CNIH3: variants seen among roughly 807,000 people sequenced by gnomAD.
CNIH3 encodes protein cornichon homolog 3.
CNIH3 carries 14 observed loss-of-function variants against 24.1 expected under a neutral mutation model. The ratio of observed to expected loss-of-function variants is 0.58; its 90% CI spans 0.38 to 0.91. CNIH3 has a LOEUF of 0.91. Ranked by LOEUF, CNIH3 falls within the 40% of genes least tolerant of loss-of-function variation. CNIH3 has a pLI of 0.00. For missense variants in CNIH3, 178 were observed against 196.8 expected (o/e 0.90, Z 0.57); for synonymous variants, 68 against 73.8 (o/e 0.92, Z 0.40).
chr1:224,678,963 A>G (rs931030002), intron 1 of CNIH3, among the ~76,000 whole-genome samples: 4 of 152,112 alleles, frequency 2.6e-5, no homozygotes, highest in Non-Finnish European at 4.4e-5. Context: ...TACAGCCTGT[A>G]ACTACTACTC....
intron 1 of CNIH3, among the ~76,000 whole-genome samples, chr1:224,634,168 G>A (rs889501233): frequency 3.3e-5 from 5 of 152,232 alleles, no homozygotes; most frequent in African/African-American, 9.6e-5. Flanking sequence ...GCATGCTTCC[G>A]TGGCACGTGT....
intron 1 of CNIH3, among the ~76,000 whole-genome samples, chr1:224,634,175 G>A (rs1397128553): frequency 6.6e-6 from 1 of 152,240 alleles, no homozygotes; most frequent in East Asian, 1.9e-4. Flanking sequence ...TCCGTGGCAC[G>A]TGTTCGTCCT....
At chr1:224,700,115 C>G (rs1687401723) in intron 3 of CNIH3, among the ~76,000 whole-genome samples, 1 of 152,260 alleles carries the variant, frequency 6.6e-6, no homozygotes, top group Non-Finnish European at 1.5e-5. Flanking sequence ...TAAGGTAGTT[C>G]TCCTGTCCAG....
intron 1 of CNIH3, among the ~76,000 whole-genome samples, chr1:224,510,596 C>CAA (rs777592587): frequency 1.5e-3 from 143 of 93,908 alleles, no homozygotes; most frequent in African/African-American, 4.0e-3. Context: ...GACCCTGTCT[C>CAA]AAAAAAAAAA....
chr1:224,513,759 T>C (rs1321841566), upstream of CNIH3: 1 of 152,242 alleles, frequency 6.6e-6, no homozygotes, highest in Non-Finnish European at 1.5e-5. Flanking sequence ...CAGTCATGCA[T>C]TATGCATTGC....
chr1:224,587,814 T>C (rs747762871), intron 5 of CNIH3, among the ~76,000 whole-genome samples: 2 of 151,438 alleles, frequency 1.3e-5, no homozygotes, highest in Non-Finnish European at 2.9e-5. Context: ...TGGTGGTGTG[T>C]GCCAGCAGTC....
intron 1 of CNIH3, among the ~76,000 whole-genome samples, chr1:224,455,641 G>C (rs1202113397): frequency 6.6e-6 from 1 of 152,060 alleles, no homozygotes; most frequent in Non-Finnish European, 1.5e-5. Flanking sequence ...CCTGCCCAAG[G>C]CTTAGTCTGA....
At chr1:224,440,119 C>T (rs1674833552) in intron 1 of CNIH3, among the ~76,000 whole-genome samples, 1 of 152,236 alleles carries the variant, frequency 6.6e-6, no homozygotes, top group Admixed American at 6.5e-5. Flanking sequence ...GATGGGGTTT[C>T]ACCATGTTGA....
intron 3 of CNIH3, among the ~76,000 whole-genome samples, chr1:224,552,019 C>T (rs184205985): frequency 1.0e-3 from 151 of 151,330 alleles, no homozygotes; most frequent in Admixed American, 8.5e-3. Flanking sequence ...GTGTACGCCC[C>T]GTGTGATATT....
intron 1 of CNIH3, among the ~76,000 whole-genome samples, chr1:224,652,519 G>T (rs1684905581): frequency 6.6e-6 from 1 of 152,162 alleles, no homozygotes; most frequent in Non-Finnish European, 1.5e-5. Context: ...AGGAAGAAAG[G>T]AAGTGAGGGA....
chr1:224,438,292 G>A (rs1459275592), intron 1 of CNIH3, among the ~76,000 whole-genome samples: 3 of 150,808 alleles, frequency 2.0e-5, no homozygotes, highest in Non-Finnish European at 2.9e-5. Context: ...TCTTGAGCTC[G>A]AGCAATCCTC....
intron 3 of CNIH3, among the ~76,000 whole-genome samples, chr1:224,608,348 G>A (rs1682521824): frequency 1.3e-5 from 2 of 152,120 alleles, no homozygotes; most frequent in South Asian, 4.1e-4. Flanking sequence ...AAGAAGGAAG[G>A]GCTTTATTCG....
At chr1:224,516,783 T>C (rs191562791) in intron 1 of CNIH3, among the ~76,000 whole-genome samples, 229 of 152,356 alleles carry the variant, frequency 1.5e-3, no homozygotes, top group Non-Finnish European at 2.7e-3. Context: ...CAGCACGTTT[T>C]CTTACCCTCT....
intron 1 of CNIH3, among the ~76,000 whole-genome samples, chr1:224,675,834 A>G (rs114445455): frequency 8.9e-4 from 136 of 152,318 alleles, no homozygotes; most frequent in African/African-American, 3.0e-3. Flanking sequence ...CCCCAAAACT[A>G]AACTGACAGG....
chr1:224,643,374 G>A (rs1250621864), intron 1 of CNIH3, among the ~76,000 whole-genome samples: 4 of 152,210 alleles, frequency 2.6e-5, no homozygotes, highest in Admixed American at 1.3e-4. Context: ...TCTACATGAG[G>A]CTCATCTAGA....
chr1:224,503,098 C>T (rs1196474670), intron 1 of CNIH3, among the ~76,000 whole-genome samples: 1 of 151,974 alleles, frequency 6.6e-6, no homozygotes, highest in Non-Finnish European at 1.5e-5. Flanking sequence ...GACTTCTGCA[C>T]GGATGAAGTC....
rs1241829114 is a variant in CNIH3, at chr1:224,458,587, A to G, written n.203+23725A>G. ...TGTTACTGTCTGATTCCAACCTTCCACTGTTGAACAGACCTCCTACCACTT... is the reference window on the plus strand; with the variant it reads ...TGTTACTGTCTGATTCCAACCTTCCGCTGTTGAACAGACCTCCTACCACTT... On this transcript the variant is annotated intron_variant and non_coding_transcript_variant, in intron 1 of 5. Coordinates refer to the CNIH3 transcript ENST00000471578. This position sits in a 1 kb window ranked among gnomAD's most constrained non-coding sequence, Gnocchi z 4.3. 6.6e-6 allele frequency among the ~76,000 whole-genome samples: 1 copy of G among 152,034 alleles called. No individual in the cohort carries two copies. Among genetic ancestry groups the G allele is most frequent in the Non-Finnish European group, 1.5e-5 (1 of 67,982 alleles).
chr1:224,555,782 T>C (rs1385698881), intron 3 of CNIH3, among the ~76,000 whole-genome samples: 2 of 152,224 alleles, frequency 1.3e-5, no homozygotes, highest in Non-Finnish European at 2.9e-5. Flanking sequence ...CCTTTTTTTT[T>C]CCTCGGTCTC....
intron 1 of CNIH3, among the ~76,000 whole-genome samples, chr1:224,510,020 C>G (rs1017763037): frequency 6.6e-6 from 1 of 152,222 alleles, no homozygotes; most frequent in African/African-American, 2.4e-5. Flanking sequence ...TTCAGGCCTT[C>G]CTTTTCTTAG....
Sources: gnomAD v4.1 joint callset for allele counts (sites outside exome capture counted in the v4.1 genomes callset) on GRCh38, gnomAD v4.1.1 for gene constraint, Gnocchi (gnomAD v3.1) non-coding constraint, MANE v1.5 for transcripts, NCBI Gene and HGNC (gene_info 2026-07-23, HGNC 2026-07-21) for gene names.